The following ARMC2 variants were observed in gnomAD, a reference collection of about 807,000 sequenced individuals.
The protein encoded by ARMC2 is armadillo repeat-containing protein 2.
ARMC2 carries 67 observed loss-of-function variants against 90.3 expected under a neutral mutation model. That is an observed-to-expected ratio of 0.74 (90% CI 0.61 to 0.91). ARMC2 has a LOEUF of 0.91. ARMC2 is among the 40% of genes least tolerant of loss of function. The pLI is 0.00. For missense variants in ARMC2, 920 were observed against 1,030.9 expected, an observed-to-expected ratio of 0.89 and a Z score of 1.47; for synonymous variants, 393 against 393.0, an observed-to-expected ratio of 1.00 and a Z score of 0.00.
At chr6:109,044,990 T>G in the ARMC2 span, among the ~76,000 whole-genome samples, 13 of 151,200 alleles carry the variant, frequency 8.6e-5, no homozygotes, top group South Asian at 2.7e-3. Flanking sequence ...GCCACTGCAC[T>G]CCATCCTGGG....
At chr6:109,025,267 C>T in the ARMC2 span, among the ~76,000 whole-genome samples, 8 of 151,884 alleles carry the variant, frequency 5.3e-5, no homozygotes, top group Non-Finnish European at 1.0e-4. Flanking sequence ...CAAGGTGGAT[C>T]ACACATAAGG....
At chr6:109,028,659 T>C in the ARMC2 span, among the ~76,000 whole-genome samples, 69 of 152,298 alleles carry the variant, frequency 4.5e-4, no homozygotes, top group Non-Finnish European at 7.9e-4. Flanking sequence ...CTCTTAAAAA[T>C]AGTATTAGTT....
the ARMC2 span, among the ~76,000 whole-genome samples, chr6:109,019,126 C>T: frequency 6.6e-6 from 1 of 152,114 alleles, no homozygotes; most frequent in African/African-American, 2.4e-5. Context: ...ATACTATATA[C>T]ATCAGAATTC....
At chr6:108,882,689 T>C (rs1205079424) in intron 5 of ARMC2, among the ~76,000 whole-genome samples, 3 of 152,010 alleles carry the variant, frequency 2.0e-5, no homozygotes, top group Non-Finnish European at 4.4e-5. Context: ...GCTATGAAAA[T>C]GATTATTGAG....
intron 4 of ARMC2, 129 bp from the exon 5 acceptor site, chr6:108,876,014 C>A (rs973196773): frequency 2.4e-6 from 2 of 844,670 alleles, no homozygotes; most frequent in African/African-American, 1.8e-5. Flanking sequence ...CCATAAAATT[C>A]CAGACTTAAT....
chr6:108,967,690 G>A lies in ARMC2; in HGVS notation c.2446+2550G>A, dbSNP rs11961588. Reference sequence around the variant, plus strand: ...TGTGAACGCTATGTAAATGGTTGTCGTGCTGTGATTTTTATTTGTATTCTT... The same window carrying A: ...TGTGAACGCTATGTAAATGGTTGTCATGCTGTGATTTTTATTTGTATTCTT... On this transcript the variant is annotated intron_variant, in intron 17 of 17. Transcript: ENST00000392644. Among the ~76,000 whole-genome samples, 1,106 of 152,292 alleles carry A rather than the reference G, an allele frequency of 7.3e-3. 14 individuals carry two copies. Among genetic ancestry groups the A allele is most frequent in the African/African-American group, 0.025 (1,037 of 41,546 alleles).
the ARMC2 span, among the ~76,000 whole-genome samples, chr6:108,993,859 T>C: frequency 6.6e-6 from 1 of 151,944 alleles, no homozygotes; most frequent in Non-Finnish European, 1.5e-5. Context: ...GTACTACAGG[T>C]ACAAACTGCC....
chr6:108,911,578 G>A (rs764736730), intron 9 of ARMC2, among the ~76,000 whole-genome samples: 1 of 152,056 alleles, frequency 6.6e-6, no homozygotes, highest in African/African-American at 2.4e-5. Flanking sequence ...CAGCAACATG[G>A]AAAATACATT....
intron 10 of ARMC2, among the ~76,000 whole-genome samples, chr6:108,920,184 GTTTTGT>G (rs1213958738): frequency 6.6e-6 from 1 of 151,978 alleles, no homozygotes; most frequent in Non-Finnish European, 1.5e-5. Flanking sequence ...ATTTTGTTTT[GTTTTGT>G]TTTTGTTTTT....
chr6:108,888,061 C>T (rs1770541869), intron 5 of ARMC2, among the ~76,000 whole-genome samples: 1 of 152,216 alleles, frequency 6.6e-6, no homozygotes, highest in African/African-American at 2.4e-5. Flanking sequence ...TAGAACATCT[C>T]CTCTCTGTCC....
chr6:108,929,986 G>A (rs1356439114), intron 11 of ARMC2, among the ~76,000 whole-genome samples: 2 of 151,904 alleles, frequency 1.3e-5, no homozygotes, highest in African/African-American at 2.4e-5. Flanking sequence ...AATTAGCCAG[G>A]CATGGTGGTA....
At chr6:108,970,829 A>G (rs1583239897) in intron 17 of ARMC2, among the ~76,000 whole-genome samples, 1 of 152,150 alleles carries the variant, frequency 6.6e-6, no homozygotes, top group Admixed American at 6.6e-5. Flanking sequence ...TTCATTTTCT[A>G]TACAACAGAA....
At position 108,928,209 on chromosome 6, in the gene ARMC2, G is replaced by A. The variant is rs1159397935; in HGVS notation, c.1472G>A (p.Cys491Tyr). The change falls in exon 11 of 18, where the codon TGT becomes TAT. Residue 491 changes from cysteine to tyrosine, a missense_variant. Transcript: ENST00000392644. ...CAGTACAAGGGTGACAAGGACGTCT[G>A]TACCAATATTGCCAGAATATTCAGG... ...MEQYKGDKDV[C>Y]TNIARIFSKL... 6.4e-7 allele frequency: 1 copy of A among 1,565,612 alleles called. No homozygotes were observed. The highest frequency in any genetic ancestry group is 1.2e-5 in the South Asian group (1 of 82,218).
At chr6:108,894,117 T>C (rs1771365369) in intron 5 of ARMC2, among the ~76,000 whole-genome samples, 1 of 151,174 alleles carries the variant, frequency 6.6e-6, no homozygotes, top group Non-Finnish European at 1.5e-5. Context: ...CCTATAATAC[T>C]AGCATTTTGG....
At chr6:108,858,673 CTATA>C (rs1286200179) in intron 3 of ARMC2, among the ~76,000 whole-genome samples, 1 of 150,802 alleles carries the variant, frequency 6.6e-6, no homozygotes, top group Non-Finnish European at 1.5e-5. Flanking sequence ...TGTAGTCTCT[CTATA>C]TATACATTTA....
chr6:108,850,791 T>A (rs1372013076), intron 1 of ARMC2, among the ~76,000 whole-genome samples: 1 of 152,180 alleles, frequency 6.6e-6, no homozygotes, highest in Non-Finnish European at 1.5e-5. Context: ...CGTGGACGGT[T>A]GGGGCAGAGA....
At chr6:108,961,895 A>T in intron 14 of ARMC2, 119 bp from the exon 15 acceptor site, 1 of 965,936 alleles carries the variant, frequency 1.0e-6, no homozygotes, top group African/African-American at 1.6e-5. Context: ...AAAGTCCCTT[A>T]CAGTTTGTAA....
chr6:108,913,365 T>G (rs1250873846), intron 10 of ARMC2, among the ~76,000 whole-genome samples: 1 of 152,204 alleles, frequency 6.6e-6, no homozygotes, highest in Non-Finnish European at 1.5e-5. Context: ...TCAAGATGCT[T>G]AAAATATTTA....
At chr6:109,019,898 C>T in the ARMC2 span, among the ~76,000 whole-genome samples, 203 of 152,174 alleles carry the variant, frequency 1.3e-3, no homozygotes, top group African/African-American at 4.6e-3. Flanking sequence ...ATCATAAATA[C>T]GCATTAAAAT....
Sources: allele counts gnomAD v4.1 joint callset (sites outside exome capture counted in the v4.1 genomes callset), GRCh38; gene constraint gnomAD v4.1.1; transcripts MANE v1.5; gene names NCBI Gene and HGNC (gene_info 2026-07-23, HGNC 2026-07-21).